PSKH1: variants seen among roughly 807,000 people sequenced by gnomAD.
The protein encoded by PSKH1 is protein serine kinase H1, also known as serine/threonine-protein kinase H1.
A neutral mutation model predicts 26.7 loss-of-function variants in PSKH1; 12 were observed. That is an observed-to-expected ratio of 0.45 (90% CI 0.29 to 0.73). The LOEUF (loss-of-function observed/expected upper bound fraction) is 0.73. PSKH1 is among the 30% of genes least tolerant of loss of function. PSKH1 has a pLI of 0.11. For synonymous variants in PSKH1, 213 were observed against 234.3 expected, an observed-to-expected ratio of 0.91 and a Z score of 0.83; for missense variants, 431 against 595.2, an observed-to-expected ratio of 0.72 and a Z score of 2.87.
At chr16:67,895,899 T>G (rs1019113849) in intron 1 of PSKH1, among the ~76,000 whole-genome samples, 3 of 152,184 alleles carry the variant, frequency 2.0e-5, no homozygotes, top group African/African-American at 7.2e-5. Context: ...AGTTTCTGGC[T>G]TTTCTGAAAT....
At chr16:67,916,622 A>G (rs1328599549) in intron 2 of PSKH1, among the ~76,000 whole-genome samples, 1 of 152,074 alleles carries the variant, frequency 6.6e-6, no homozygotes, top group Non-Finnish European at 1.5e-5. Flanking sequence ...GTTCTGGGTA[A>G]TGGAGGAGGA....
chr16:67,895,137 G>C (rs912962205), intron 1 of PSKH1, among the ~76,000 whole-genome samples: 5 of 151,902 alleles, frequency 3.3e-5, no homozygotes, highest in African/African-American at 1.2e-4. Flanking sequence ...TGGCCAGGCT[G>C]GTCTCGAACT....
chr16:67,906,815 T>A (rs2058157295), intron 1 of PSKH1, among the ~76,000 whole-genome samples: 1 of 152,026 alleles, frequency 6.6e-6, no homozygotes, highest in Non-Finnish European at 1.5e-5. Flanking sequence ...AGCCCCAGGG[T>A]ATTTAGTTCA....
intron 1 of PSKH1, among the ~76,000 whole-genome samples, chr16:67,894,833 A>G (rs1342678319): frequency 6.6e-6 from 1 of 151,948 alleles, no homozygotes; most frequent in Non-Finnish European, 1.5e-5. Context: ...TGTGTGTGGT[A>G]GGTAGTACAG....
At chr16:67,920,739 CTT>C (rs1027816227) in intron 2 of PSKH1, among the ~76,000 whole-genome samples, 4 of 152,250 alleles carry the variant, frequency 2.6e-5, no homozygotes, top group African/African-American at 9.6e-5. Context: ...CAAGGTTACC[CTT>C]CTCCATCGTG....
chr16:67,910,239 G>T (rs969236020), intron 2 of PSKH1, among the ~76,000 whole-genome samples: 37 of 152,334 alleles, frequency 2.4e-4, no homozygotes, highest in Non-Finnish European at 3.7e-4. Flanking sequence ...GAAGCAGAGA[G>T]ATGCAGGCAC....
At position 67,895,697 on chromosome 16, in the gene PSKH1, A is replaced by G. The variant is rs896280823; in HGVS notation, c.-71+2326A>G. Among the ~76,000 whole-genome samples the G allele has an allele frequency of 3.3e-5, 5 of 152,096 alleles. No homozygotes were observed. In the East Asian group the frequency reaches 9.6e-4, roughly 29 times the overall value. On this transcript the variant is annotated intron_variant, in intron 1 of 2. Transcript: ENST00000291041. ...GCTGGGATTACAGGCGTGAGCCACC[A>G]TGTCTGGCCAGGTATCTGTATTTTG...
At chr16:67,910,749 G>T (rs1331183209) in intron 2 of PSKH1, among the ~76,000 whole-genome samples, 2 of 152,108 alleles carry the variant, frequency 1.3e-5, no homozygotes, top group African/African-American at 4.8e-5. Flanking sequence ...GTCATCCGCC[G>T]GCCTTGGCCT....
At chr16:67,922,050 C>G (rs560841049) in intron 2 of PSKH1, among the ~76,000 whole-genome samples, 142 of 152,084 alleles carry the variant, frequency 9.3e-4, no homozygotes, top group Non-Finnish European at 4.1e-4. Flanking sequence ...GCTCTCTCCC[C>G]CCACACCCTT....
rs968279355 is a variant in PSKH1, at chr16:67,928,724, C to T, written c.*1082C>T. The T allele has an allele frequency of 2.0e-5, 3 of 152,394 alleles. No individual in the cohort carries two copies. In the East Asian group the frequency reaches 5.8e-4, roughly 29 times the overall value. 9.4% of individuals were successfully genotyped at this position (152,394 alleles called of 1,614,324 possible). A position where few individuals can be genotyped will look rare whatever the true frequency, so the allele number is the denominator to read the frequency against. Reference sequence around the variant, plus strand: ...CTGCACGCCCATCGTGCACACCTGCCCATCGTGCACACCCACCCATGGTGC... The same window carrying T: ...CTGCACGCCCATCGTGCACACCTGCTCATCGTGCACACCCACCCATGGTGC... On this transcript the variant is annotated 3_prime_UTR_variant, in exon 3 of 3. Transcript: ENST00000291041. This position sits in a 1 kb window ranked among gnomAD's most constrained non-coding sequence, Gnocchi z 4.8.
At chr16:67,921,973 CT>C (rs199826112) in intron 2 of PSKH1, among the ~76,000 whole-genome samples, 422 of 145,734 alleles carry the variant, frequency 2.9e-3, no homozygotes, top group Non-Finnish European at 3.2e-3. Context: ...TTATTCTCTG[CT>C]TTTTTTTTTT....
At chr16:67,904,106 C>G (rs1317869972) in intron 1 of PSKH1, among the ~76,000 whole-genome samples, 1 of 151,508 alleles carries the variant, frequency 6.6e-6, no homozygotes, top group Admixed American at 6.6e-5. Context: ...ACCTATGCCT[C>G]CCAGGTTCAA....
chr16:67,924,392 G>C (rs949310177), intron 2 of PSKH1, among the ~76,000 whole-genome samples: 1 of 152,226 alleles, frequency 6.6e-6, no homozygotes, highest in African/African-American at 2.4e-5. Flanking sequence ...CGCTCCATGA[G>C]CAGCAGGGGT....
At chr16:67,905,215 A>G (rs1448938111) in intron 1 of PSKH1, among the ~76,000 whole-genome samples, 1 of 152,082 alleles carries the variant, frequency 6.6e-6, no homozygotes, top group African/African-American at 2.4e-5. Flanking sequence ...CTTTTCTTGT[A>G]AACCCTTTCG....
chr16:67,893,939 C>T (rs1386389924), intron 1 of PSKH1, among the ~76,000 whole-genome samples: 1 of 152,180 alleles, frequency 6.6e-6, no homozygotes, highest in African/African-American at 2.4e-5. Context: ...ATAATTCCCA[C>T]CTGAAAATCT....
rs2058167740 is a variant in PSKH1 at position 67,909,687 on chromosome 16, A to G, written c.938A>G (p.Lys313Arg). Residue 313 changes from lysine (K) to arginine (R), a missense_variant, in exon 2 of 3, where the codon AAG becomes AGG. Transcript: ENST00000291041. The surrounding 1 kb of genome is among the most constrained non-coding windows in gnomAD (Gnocchi z 7.8). ...TRLYRQILRG[K>R]YSYSGEPWPS... The stretch of plus-strand genomic sequence containing the variant: ...CTGTACCGGCAGATCCTCAGGGGCA[A>G]GTACAGTTACTCTGGGGAGGTGAGT... 1 of 1,612,104 alleles carries G rather than the reference A, an allele frequency of 6.2e-7. No homozygotes were observed. Among genetic ancestry groups the G allele is most frequent in the Non-Finnish European group, 8.5e-7 (1 of 1,179,914 alleles).
intron 1 of PSKH1, among the ~76,000 whole-genome samples, chr16:67,898,906 C>T (rs2151310096): frequency 6.6e-6 from 1 of 152,258 alleles, no homozygotes; most frequent in East Asian, 1.9e-4. Flanking sequence ...CAGGTGTGAG[C>T]CGCTGCGCCC....
chr16:67,921,268 C>T (rs1327918127), intron 2 of PSKH1, among the ~76,000 whole-genome samples: 7 of 149,020 alleles, frequency 4.7e-5, no homozygotes, highest in Non-Finnish European at 1.0e-4. Flanking sequence ...AGCAAAACTC[C>T]GTCTCAAAAA....
chr16:67,898,875 C>T (rs1228167542), intron 1 of PSKH1, among the ~76,000 whole-genome samples: 1 of 152,146 alleles, frequency 6.6e-6, no homozygotes, highest in Non-Finnish European at 1.5e-5. Context: ...CCTGCCTCAG[C>T]CTCCCAAAGT....
Sources: gnomAD v4.1 joint callset for allele counts (sites outside exome capture counted in the v4.1 genomes callset) on GRCh38, gnomAD v4.1.1 for gene constraint, Gnocchi (gnomAD v3.1) non-coding constraint, MANE v1.5 for transcripts, NCBI Gene and HGNC (gene_info 2026-07-23, HGNC 2026-07-21) for gene names.